KIF16B: variants seen among roughly 807,000 people sequenced by gnomAD.
The protein encoded by KIF16B is kinesin-like protein KIF16B.
A neutral mutation model predicts 156.3 loss-of-function variants in KIF16B; 98 were observed. That is an observed-to-expected ratio of 0.63 (90% CI 0.53 to 0.74). The LOEUF is 0.74. KIF16B is among the 30% of genes least tolerant of loss of function. KIF16B has a pLI of 0.00. For missense variants in KIF16B, 1,421 were observed against 1,606.5 expected (o/e 0.88, Z 1.97); for synonymous variants, 564 against 583.7 (o/e 0.97, Z 0.49).
At chr20:16,345,655 A>C (rs1360882487) in intron 23 of KIF16B, among the ~76,000 whole-genome samples, 2 of 152,338 alleles carry the variant, frequency 1.3e-5, no homozygotes, top group African/African-American at 2.4e-5. Context: ...CTCCTAAAAG[A>C]CACGTTAAGA....
At chr20:16,364,769 G>A (rs180936943) in intron 22 of KIF16B, among the ~76,000 whole-genome samples, 2 of 152,356 alleles carry the variant, frequency 1.3e-5, no homozygotes, top group East Asian at 3.9e-4. Context: ...GCTGCAAGCT[G>A]CTTCTATTAT....
intron 12 of KIF16B, 63 bp from the exon 13 acceptor site, chr20:16,430,045 T>A: frequency 6.8e-7 from 1 of 1,479,822 alleles, no homozygotes; most frequent in Non-Finnish European, 9.1e-7. Flanking sequence ...TCAAATTAGG[T>A]GTTCTTCAGA....
In KIF16B at chr20:16,379,755, CT is replaced by C. The variant is rs35229389; in HGVS notation, c.2246del (p.Lys749ArgfsTer3). On this transcript the variant is annotated frameshift_variant, in exon 19 of 26. Coordinates refer to ENST00000354981, the MANE Select transcript of KIF16B (RefSeq NM_024704.5). LOFTEE classifies it high-confidence loss of function. ...GCTCCTTCTCCTGCTCCTCTAGTCT[CT>C]TTTTTTCCAGTTCAAGCTTGGCATA... is the stretch of plus-strand genomic sequence containing the variant. ...EQYAKLELEK[K>X]RLEEQEKEQV... The C allele has an allele frequency of 1.9e-6, 3 of 1,614,192 alleles. No individual in the cohort carries two copies. The highest frequency in any genetic ancestry group is 2.2e-5 in the East Asian group (1 of 44,882).
intron 15 of KIF16B, among the ~76,000 whole-genome samples, chr20:16,422,160 A>C (rs2066242169): frequency 6.6e-6 from 1 of 152,160 alleles, no homozygotes; most frequent in Admixed American, 6.6e-5. Context: ...CAAGACAATT[A>C]GAGAGGTAAT....
chr20:16,406,440 C>G lies in KIF16B; in HGVS notation c.1629G>C (p.Leu543Phe), dbSNP rs776431252. 5.6e-6 allele frequency: 9 copies of G among 1,613,378 alleles called. No individual in the cohort carries two copies. The East Asian group carries it at 1.8e-4, about 32-fold the overall frequency. The change falls in exon 16 of 26, where the codon TTG (leucine) becomes TTC (phenylalanine). Residue 543 changes from leucine to phenylalanine, a missense_variant. Coordinates refer to ENST00000354981, the MANE Select transcript of KIF16B (RefSeq NM_024704.5). ...THLNQGAVIL[L>F]GRTNMFRFNH... ...TAAAGCGAAACATATTGGTTCTTCC[C>G]AAGAGAATCACAGCACCTGAAAACA...
chr20:16,472,859 C>T (rs565252965), intron 12 of KIF16B, among the ~76,000 whole-genome samples: 9 of 152,258 alleles, frequency 5.9e-5, no homozygotes, highest in African/African-American at 1.9e-4. Flanking sequence ...TAAGAGCATA[C>T]CGTTTGTTTT....
At chr20:16,504,325 T>G (rs760272519) in intron 10 of KIF16B, 47 bp downstream of exon 10, 1 of 1,566,872 alleles carries the variant, frequency 6.4e-7, no homozygotes, top group Non-Finnish European at 8.8e-7. Context: ...TAGAAATAGA[T>G]GCCATTACTC....
chr20:16,384,498 A>G (rs144200561), intron 17 of KIF16B, among the ~76,000 whole-genome samples: 1 of 152,316 alleles, frequency 6.6e-6, no homozygotes, highest in East Asian at 1.9e-4. Context: ...GCTCAAGAGG[A>G]CAACAGAAGC....
chr20:16,299,019 C>A (rs1248039338), intron 25 of KIF16B, among the ~76,000 whole-genome samples: 3 of 152,042 alleles, frequency 2.0e-5, no homozygotes, highest in Admixed American at 6.6e-5. Context: ...TGTTGTAAGA[C>A]AGAAAACTGG....
chr20:16,285,391 C>T (rs1268773935), intron 25 of KIF16B, among the ~76,000 whole-genome samples: 1 of 152,232 alleles, frequency 6.6e-6, no homozygotes, highest in Non-Finnish European at 1.5e-5. Context: ...CATGTCTTCG[C>T]TACAATGAAA....
intron 17 of KIF16B, among the ~76,000 whole-genome samples, chr20:16,393,298 T>A (rs1049298177): frequency 1.3e-5 from 2 of 152,264 alleles, no homozygotes; most frequent in Non-Finnish European, 2.9e-5. Context: ...TTTCACTTTA[T>A]AATGGGAGTA....
At position 16,379,381 on chromosome 20, in the gene KIF16B, A is replaced by C; in HGVS notation, c.2621T>G (p.Leu874Trp). The stretch of plus-strand genomic sequence containing the variant: ...GACACTCTCATCATGTTTTTCCAAC[A>C]ATCTAGATTCTTTGTCATGTTCACA... ...LKCEHDKESR[L>W]LEKHDESVTD... Residue 874 changes from leucine to tryptophan, a missense_variant, in exon 19 of 26, where the codon TTG becomes TGG. Physicochemically the swap from Leu to Trp is moderately conservative, Grantham distance 61. Coordinates refer to ENST00000354981, the MANE Select transcript of KIF16B (RefSeq NM_024704.5). 6.2e-7 allele frequency: 1 copy of C among 1,603,436 alleles called. No individual in the cohort carries two copies. Among genetic ancestry groups the C allele is most frequent in the East Asian group, 2.2e-5 (1 of 44,806 alleles).
chr20:16,521,466 G>C (rs2069348866), intron 3 of KIF16B, among the ~76,000 whole-genome samples: 1 of 151,852 alleles, frequency 6.6e-6, no homozygotes, highest in Non-Finnish European at 1.5e-5. Flanking sequence ...GACAAGATTG[G>C]AGAAAAAAGA....
chr20:16,467,256 A>G (rs1568567941), intron 12 of KIF16B, among the ~76,000 whole-genome samples: 1 of 152,130 alleles, frequency 6.6e-6, no homozygotes, highest in Non-Finnish European at 1.5e-5. Context: ...AAGCTCACCA[A>G]AAGACTGAGA....
intron 11 of KIF16B, among the ~76,000 whole-genome samples, chr20:16,494,666 C>T (rs1057392323): frequency 1.3e-5 from 2 of 152,140 alleles, no homozygotes; most frequent in Admixed American, 6.5e-5. Context: ...AAGATGACAA[C>T]GTCCCATTAA....
intron 7 of KIF16B, 146 bp downstream of exon 7, chr20:16,507,812 G>A: frequency 1.3e-6 from 1 of 790,252 alleles, no homozygotes; most frequent in Non-Finnish European, 2.1e-6. Flanking sequence ...CACAGCACAT[G>A]TTCAACTCTA....
chr20:16,560,999 T>C (rs574835021), intron 1 of KIF16B, among the ~76,000 whole-genome samples: 1 of 152,072 alleles, frequency 6.6e-6, no homozygotes, highest in African/African-American at 2.4e-5. Flanking sequence ...TAAAAAAATA[T>C]AATAGAGAGG....
Position 16,427,221 on chromosome 20 carries a change from C to T in KIF16B, c.1495G>A (p.Glu499Lys). 1.2e-6 allele frequency: 2 copies of T among 1,612,122 alleles called. No individual in the cohort carries two copies. The highest frequency in any genetic ancestry group is 1.7e-6 in the Non-Finnish European group (2 of 1,179,046). ...TTTTCAAAGATGCAATGCTCACTCT[C>T]CAAGTCAAGGCCATGAAGAACTAAA... ...QDIVLHGLDL[E>K]SEHCIFENIG... The change falls in exon 15 of 26, where the codon GAG becomes AAG. Residue 499 changes from glutamate to lysine, a missense_variant. Glu to Lys is a moderately conservative substitution (Grantham distance 56). Transcript: ENST00000354981.
At chr20:16,382,474 C>G (rs1051429412) in intron 17 of KIF16B, among the ~76,000 whole-genome samples, 1 of 152,168 alleles carries the variant, frequency 6.6e-6, no homozygotes, top group African/African-American at 2.4e-5. Context: ...GTAGGTTCAT[C>G]AAGTTCCTGC....
Sources: allele counts gnomAD v4.1 joint callset (sites outside exome capture counted in the v4.1 genomes callset), GRCh38; gene constraint gnomAD v4.1.1; transcripts MANE v1.5; gene names NCBI Gene and HGNC (gene_info 2026-07-23, HGNC 2026-07-21).